The following PCCA variants were observed in gnomAD, a reference collection of about 807,000 sequenced individuals.
PCCA encodes propionyl-CoA carboxylase subunit alpha.
In PCCA, 74 loss-of-function variants were observed where a neutral mutation model predicts 101.3. That is an observed-to-expected ratio of 0.73 (90% confidence interval 0.61 to 0.89). The LOEUF (loss-of-function observed/expected upper bound fraction) is 0.89, where lower values mean the gene tolerates loss of function less well. Ranked by LOEUF, PCCA falls within the 40% of genes least tolerant of loss-of-function variation. The pLI is 0.00. For synonymous variants in PCCA, 294 were observed against 313.6 expected, an observed-to-expected ratio of 0.94 and a Z score of 0.66; for missense variants, 891 against 907.0, an observed-to-expected ratio of 0.98 and a Z score of 0.23.
intron 7 of PCCA, among the ~76,000 whole-genome samples, chr13:100,232,699 C>G (rs1232545257): frequency 6.6e-6 from 1 of 152,024 alleles, no homozygotes; most frequent in African/African-American, 2.4e-5. Flanking sequence ...TGTCTTTATC[C>G]TTAGGTTTAA....
Position 100,449,133 on chromosome 13 carries a change from A to G in PCCA, c.1846-119A>G, listed in dbSNP as rs146484775. 8.6e-4 allele frequency: 532 copies of G among 619,838 alleles called. 9 individuals are homozygous for G. The East Asian group carries it at 0.015, about 17-fold the overall frequency. The allele number at this position is 619,838 out of a possible 1,614,324, so 38.4% of individuals were successfully genotyped here. On this transcript the variant is annotated intron_variant, in intron 20 of 23. Transcript: ENST00000376285. ...AAATAATATTCCACTGTATGGCTAT[A>G]CTATATTTTGTTTACCCATCCATCA...
intron 18 of PCCA, among the ~76,000 whole-genome samples, chr13:100,367,817 G>A (rs972566664): frequency 9.9e-5 from 15 of 151,552 alleles, no homozygotes; most frequent in East Asian, 1.9e-4. Flanking sequence ...AATTAGCCGC[G>A]TGTGGTGGTG....
At chr13:100,325,712 A>G (rs2068600296) in intron 16 of PCCA, among the ~76,000 whole-genome samples, 1 of 152,164 alleles carries the variant, frequency 6.6e-6, no homozygotes. Context: ...GGAAAATGAT[A>G]AGCACCGGCT....
chr13:100,157,663 G>C (rs567036393), intron 6 of PCCA, among the ~76,000 whole-genome samples: 2 of 152,172 alleles, frequency 1.3e-5, no homozygotes, highest in Non-Finnish European at 2.9e-5. Flanking sequence ...GTGAGTTATT[G>C]TAGTGATTTA....
At chr13:100,312,928 G>T (rs767141356) in intron 16 of PCCA, among the ~76,000 whole-genome samples, 1 of 152,076 alleles carries the variant, frequency 6.6e-6, no homozygotes, top group Non-Finnish European at 1.5e-5. Flanking sequence ...AAGCTCAAAG[G>T]ATTTATGAGA....
intron 19 of PCCA, among the ~76,000 whole-genome samples, chr13:100,376,691 G>T (rs180993340): frequency 6.6e-6 from 1 of 152,202 alleles, no homozygotes; most frequent in Non-Finnish European, 1.5e-5. Context: ...ACTTCAGACT[G>T]CTGTGCTGGC....
intron 1 of PCCA, among the ~76,000 whole-genome samples, chr13:100,095,228 C>G (rs2046661472): frequency 6.6e-6 from 1 of 152,094 alleles, no homozygotes; most frequent in African/African-American, 2.4e-5. Context: ...GGATTTAGGG[C>G]CATGACAAGA....
intron 16 of PCCA, among the ~76,000 whole-genome samples, chr13:100,324,746 C>T (rs892598052): frequency 5.5e-4 from 83 of 152,152 alleles, no homozygotes; most frequent in African/African-American, 2.0e-3. Context: ...TAGCCACCTA[C>T]TGTTGCTATT....
At chr13:100,423,191 C>T (rs539422020) in intron 19 of PCCA, among the ~76,000 whole-genome samples, 6 of 152,190 alleles carry the variant, frequency 3.9e-5, no homozygotes, top group East Asian at 1.9e-4. Flanking sequence ...TTCTTCGTGT[C>T]GGAGTCTATC....
chr13:100,370,759 T>C (rs1259476393), intron 19 of PCCA, among the ~76,000 whole-genome samples: 1 of 152,162 alleles, frequency 6.6e-6, no homozygotes, highest in Admixed American at 6.5e-5. Flanking sequence ...TAAAGGCTCA[T>C]TGGTAGAAAT....
chr13:100,479,162 A>G (rs1025090778), intron 21 of PCCA, among the ~76,000 whole-genome samples: 1 of 152,230 alleles, frequency 6.6e-6, no homozygotes, highest in Non-Finnish European at 1.5e-5. Flanking sequence ...CATGTTATCC[A>G]TTCCTCAAAT....
At chr13:100,182,286 G>A (rs1194103083) in intron 6 of PCCA, among the ~76,000 whole-genome samples, 2 of 151,630 alleles carry the variant, frequency 1.3e-5, no homozygotes, top group African/African-American at 2.4e-5. Context: ...TAGTAGAGAC[G>A]GGGTTTCACC....
At chr13:100,105,566 C>T (rs545697592) in intron 2 of PCCA, among the ~76,000 whole-genome samples, 3 of 150,732 alleles carry the variant, frequency 2.0e-5, no homozygotes, top group South Asian at 2.1e-4. Flanking sequence ...TGATGGCCCA[C>T]GCCTGTAATC....
chr13:100,121,490 CTT>C (rs1347372361), intron 4 of PCCA, among the ~76,000 whole-genome samples: 1 of 121,616 alleles, frequency 8.2e-6, no homozygotes, highest in East Asian at 2.5e-4. Flanking sequence ...TTTTTTCTCT[CTT>C]GAGACCGAGT....
At chr13:100,204,571 G>A (rs2058739840) in intron 6 of PCCA, among the ~76,000 whole-genome samples, 1 of 152,172 alleles carries the variant, frequency 6.6e-6, no homozygotes, top group African/African-American at 2.4e-5. Flanking sequence ...GTATTTCTAA[G>A]AATGAAATAT....
Position 100,301,590 on chromosome 13 carries a change from G to A in PCCA, c.1196G>A (p.Arg399Gln), listed in dbSNP as rs1301904623. 9 of 1,613,892 alleles carry A rather than the reference G, an allele frequency of 5.6e-6. No homozygotes were observed. The East Asian group carries it at 8.9e-5, about 16-fold the overall frequency. ...IRINGWAVEC[R>Q]VYAEDPYKSF... ...ATCAACGGCTGGGCAGTTGAATGTCGGGTTTATGCTGAGGTAAAATGAATG... is the reference window on the plus strand; with the variant it reads ...ATCAACGGCTGGGCAGTTGAATGTCAGGTTTATGCTGAGGTAAAATGAATG... Residue 399 changes from arginine to glutamine, a missense_variant, in exon 13 of 24, where the codon CGG becomes CAG. Transcript: ENST00000376285.
intron 11 of PCCA, among the ~76,000 whole-genome samples, chr13:100,272,320 T>C (rs2063358830): frequency 6.6e-6 from 1 of 152,230 alleles, no homozygotes; most frequent in African/African-American, 2.4e-5. Context: ...GAGCCTTTGC[T>C]TATAACATTT....
rs149809549 is a variant in PCCA at position 100,192,204 on chromosome 13, C to G, written c.469-17128C>G. Among the ~76,000 whole-genome samples the G allele has an allele frequency of 4.6e-5, 7 of 152,316 alleles. No homozygotes were observed. In the East Asian group the frequency reaches 9.6e-4, roughly 21 times the overall value. ...GTTGGCTAACAAAGTTCCCATCCAT[C>G]TTTGCTTTAGTTCAATTGCCATTAG... On this transcript the variant is annotated intron_variant, in intron 6 of 23. Coordinates refer to ENST00000376285, the MANE Select transcript of PCCA (RefSeq NM_000282.4).
At chr13:100,334,994 A>G (rs2070212730) in intron 17 of PCCA, among the ~76,000 whole-genome samples, 1 of 152,246 alleles carries the variant, frequency 6.6e-6, no homozygotes, top group Non-Finnish European at 1.5e-5. Flanking sequence ...ACTTTTTTAA[A>G]TCTTCTAAAA....
Sources: allele counts gnomAD v4.1 joint callset (sites outside exome capture counted in the v4.1 genomes callset), GRCh38; gene constraint gnomAD v4.1.1; transcripts MANE v1.5; gene names NCBI Gene and HGNC (gene_info 2026-07-23, HGNC 2026-07-21).